The following RGL1 variants were observed in gnomAD, a reference collection of about 807,000 sequenced individuals.
The protein encoded by RGL1 is ral guanine nucleotide dissociation stimulator-like 1.
In RGL1, 24 loss-of-function variants were observed where a neutral mutation model predicts 95.2. The ratio of observed to expected loss-of-function variants is 0.25; its 90% CI spans 0.18 to 0.35. The LOEUF (loss-of-function observed/expected upper bound fraction) is 0.35, where lower values mean the gene tolerates loss of function less well. RGL1 is among the 10% of genes least tolerant of loss of function. The pLI is 1.00. For missense variants in RGL1, 715 were observed against 936.3 expected, an observed-to-expected ratio of 0.76 and a Z score of 3.08; for synonymous variants, 329 against 344.9, an observed-to-expected ratio of 0.95 and a Z score of 0.51.
chr1:183,902,122 G>A (rs1158004210), intron 11 of RGL1, among the ~76,000 whole-genome samples: 1 of 152,226 alleles, frequency 6.6e-6, no homozygotes, highest in Non-Finnish European at 1.5e-5. Context: ...ACTGAGAATA[G>A]GAGCTGAGGG....
chr1:183,827,378 T>A (rs946361960), intron 2 of RGL1, among the ~76,000 whole-genome samples: 19 of 152,214 alleles, frequency 1.2e-4, no homozygotes, highest in African/African-American at 4.3e-4. Flanking sequence ...CCCAAAGGTG[T>A]GGAGCTACAG....
At position 183,847,511 on chromosome 1, in the gene RGL1, A is replaced by G. The variant is rs116915346; in HGVS notation, c.139-55A>G. On this transcript the variant is annotated intron_variant, in intron 2 of 17. Coordinates refer to ENST00000360851, the MANE Select transcript of RGL1 (RefSeq NM_001297671.3). Reference sequence around the variant, plus strand: ...GGCCTTCAACTATTTCAATGCTTCCAATTTTACTTTAGGGAGTCATTTCTC... The same window carrying G: ...GGCCTTCAACTATTTCAATGCTTCCGATTTTACTTTAGGGAGTCATTTCTC... 156 of 1,440,610 alleles carry G rather than the reference A, an allele frequency of 1.1e-4. No homozygotes were observed. The East Asian group carries it at 3.2e-3, about 30-fold the overall frequency. The allele number at this position is 1,440,610 out of a possible 1,614,324, so 89.2% of individuals were successfully genotyped here. A position where few individuals can be genotyped will look rare whatever the true frequency, so the allele number is the denominator to read the frequency against.
chr1:183,888,643 C>A, intron 8 of RGL1, 66 bp downstream of exon 8: 1 of 952,496 alleles, frequency 1.0e-6, no homozygotes, highest in South Asian at 1.3e-5. Flanking sequence ...GATGAGTCCT[C>A]ACCTTCAAAG....
intron 14 of RGL1, among the ~76,000 whole-genome samples, chr1:183,911,746 A>G (rs1668653289): frequency 1.3e-5 from 2 of 152,142 alleles, no homozygotes; most frequent in East Asian, 3.9e-4. Flanking sequence ...TGTGAAGATC[A>G]TTTTATGGTA....
chr1:183,829,302 C>T (rs1392486941), intron 2 of RGL1, among the ~76,000 whole-genome samples: 1 of 151,980 alleles, frequency 6.6e-6, no homozygotes, highest in Non-Finnish European at 1.5e-5. Flanking sequence ...ATTAGCTGGG[C>T]ACAATGGTGT....
At chr1:183,695,726 CAA>C (rs1388375607) in intron 1 of RGL1, among the ~76,000 whole-genome samples, 2 of 152,150 alleles carry the variant, frequency 1.3e-5, no homozygotes, top group Non-Finnish European at 2.9e-5. Flanking sequence ...ATTTATTTCA[CAA>C]GTTCAGGTTT....
At chr1:183,892,799 G>A (rs1165014557) in intron 9 of RGL1, among the ~76,000 whole-genome samples, 1 of 152,140 alleles carries the variant, frequency 6.6e-6, no homozygotes, top group Non-Finnish European at 1.5e-5. Flanking sequence ...TAAACAACAA[G>A]AATAAATAGT....
At chr1:183,765,644 T>C (rs1658923873) in intron 2 of RGL1, among the ~76,000 whole-genome samples, 2 of 152,212 alleles carry the variant, frequency 1.3e-5, no homozygotes, top group South Asian at 4.1e-4. Flanking sequence ...GGAAGTTTTC[T>C]CTCTGGTCCA....
chr1:183,890,078 A>G (rs910510149), intron 8 of RGL1, among the ~76,000 whole-genome samples: 1 of 152,000 alleles, frequency 6.6e-6, no homozygotes, highest in Non-Finnish European at 1.5e-5. Flanking sequence ...CCCACCCTTC[A>G]CACCTCCACT....
At chr1:183,837,087 TA>T (rs1236422738) in intron 2 of RGL1, among the ~76,000 whole-genome samples, 30 of 152,326 alleles carry the variant, frequency 2.0e-4, no homozygotes, top group African/African-American at 6.7e-4. Flanking sequence ...GACTTGACTT[TA>T]AAGTTTGGAA....
At chr1:183,717,170 A>G (rs1011037378) in intron 1 of RGL1, among the ~76,000 whole-genome samples, 1 of 152,228 alleles carries the variant, frequency 6.6e-6, no homozygotes, top group African/African-American at 2.4e-5. Flanking sequence ...TAAACTGATC[A>G]AAGAACATCT....
At chr1:183,783,356 CTG>C (rs1157677801) in intron 2 of RGL1, among the ~76,000 whole-genome samples, 1 of 151,910 alleles carries the variant, frequency 6.6e-6, no homozygotes, top group Non-Finnish European at 1.5e-5. Flanking sequence ...ACAAAAGTAA[CTG>C]TGGTTTTGCA....
chr1:183,658,575 C>G (rs1382120527), intron 1 of RGL1, among the ~76,000 whole-genome samples: 1 of 152,144 alleles, frequency 6.6e-6, no homozygotes, highest in Non-Finnish European at 1.5e-5. Flanking sequence ...CTGGGTGGAG[C>G]CCACCACAGC....
At chr1:183,696,653 A>G (rs1376779687) in intron 1 of RGL1, among the ~76,000 whole-genome samples, 1 of 152,142 alleles carries the variant, frequency 6.6e-6, no homozygotes. Context: ...AATTTGATGC[A>G]ACCTCTTGTA....
At chr1:183,877,775 A>G (rs988045387) in intron 4 of RGL1, among the ~76,000 whole-genome samples, 6 of 152,054 alleles carry the variant, frequency 3.9e-5, no homozygotes, top group African/African-American at 1.2e-4. Flanking sequence ...CACAAAGAGT[A>G]AAAAAATGTA....
At chr1:183,668,286 C>A (rs541847854) in intron 1 of RGL1, among the ~76,000 whole-genome samples, 2 of 152,228 alleles carry the variant, frequency 1.3e-5, no homozygotes, top group South Asian at 4.1e-4. Flanking sequence ...AAGTATTTCT[C>A]TTTCACTTCT....
intron 2 of RGL1, among the ~76,000 whole-genome samples, chr1:183,825,739 A>G (rs907553644): frequency 5.9e-5 from 9 of 152,222 alleles, no homozygotes; most frequent in Non-Finnish European, 4.4e-5. Context: ...GAGTAGAAGT[A>G]GCAAATCTGA....
At chr1:183,742,319 G>A (rs752001545) in intron 2 of RGL1, 4 of 1,613,394 alleles carry the variant, frequency 2.5e-6, no homozygotes, top group Non-Finnish European at 3.4e-6. Context: ...CACAGTTGGT[G>A]AAATGTTGGA....
intron 2 of RGL1, among the ~76,000 whole-genome samples, chr1:183,779,536 C>T (rs1233887337): frequency 1.3e-5 from 2 of 152,156 alleles, no homozygotes; most frequent in Admixed American, 6.6e-5. Context: ...AGGCATGAGC[C>T]ACCGTGCCTG....
Sources: allele counts gnomAD v4.1 joint callset (sites outside exome capture counted in the v4.1 genomes callset), GRCh38; gene constraint gnomAD v4.1.1; transcripts MANE v1.5; gene names NCBI Gene and HGNC (gene_info 2026-07-23, HGNC 2026-07-21).